SLC9A9: variants seen among roughly 807,000 people sequenced by gnomAD.
SLC9A9 encodes the protein sodium/hydrogen exchanger 9.
A neutral mutation model predicts 77.8 loss-of-function variants in SLC9A9; 62 were observed. That is an observed-to-expected ratio of 0.80 (90% confidence interval 0.65 to 0.98). The LOEUF is 0.98. SLC9A9 is among the 50% of genes least tolerant of loss of function. The pLI, the probability that SLC9A9 is intolerant of heterozygous loss-of-function variation, is 0.00. For missense variants in SLC9A9, 775 were observed against 774.9 expected, an observed-to-expected ratio of 1.00 and a Z score of 0.00; for synonymous variants, 320 against 283.5, an observed-to-expected ratio of 1.13 and a Z score of -1.29.
chr3:143,437,579 G>A (rs935292646), intron 12 of SLC9A9, among the ~76,000 whole-genome samples: 2 of 152,260 alleles, frequency 1.3e-5, no homozygotes, highest in Admixed American at 6.5e-5. Context: ...GAACGTTAGA[G>A]GCCCGAGGCC....
At chr3:143,282,306 A>T (rs1312910898) in intron 14 of SLC9A9, among the ~76,000 whole-genome samples, 4 of 152,212 alleles carry the variant, frequency 2.6e-5, no homozygotes, top group Non-Finnish European at 4.4e-5. Flanking sequence ...ACTAAGGTTG[A>T]CCTGGAAGGC....
intron 4 of SLC9A9, among the ~76,000 whole-genome samples, chr3:143,774,775 C>T (rs185343116): frequency 6.6e-6 from 1 of 152,246 alleles, no homozygotes; most frequent in East Asian, 1.9e-4. Flanking sequence ...TGGAACCTTT[C>T]AAATTGACCT....
At chr3:143,767,161 CAG>C (rs2007345342) in intron 4 of SLC9A9, among the ~76,000 whole-genome samples, 1 of 152,058 alleles carries the variant, frequency 6.6e-6, no homozygotes, top group Non-Finnish European at 1.5e-5. Context: ...CTGCAGAGGA[CAG>C]AGTGAAACAA....
chr3:143,426,232 AC>A (rs1220392584), intron 12 of SLC9A9, among the ~76,000 whole-genome samples: 1 of 152,112 alleles, frequency 6.6e-6, no homozygotes, highest in Non-Finnish European at 1.5e-5. Context: ...CAATTAAAAA[AC>A]CCATGTTATA....
chr3:143,841,994 A>G (rs1176385300), intron 1 of SLC9A9, among the ~76,000 whole-genome samples: 1 of 152,132 alleles, frequency 6.6e-6, no homozygotes, highest in Non-Finnish European at 1.5e-5. Flanking sequence ...ACCTCAGGTG[A>G]TCCACTTGCC....
intron 5 of SLC9A9, among the ~76,000 whole-genome samples, chr3:143,654,791 G>A (rs934304732): frequency 1.3e-5 from 2 of 152,280 alleles, no homozygotes; most frequent in Non-Finnish European, 2.9e-5. Flanking sequence ...GAAAAGGAAG[G>A]TAAGGCCCTT....
intron 14 of SLC9A9, among the ~76,000 whole-genome samples, chr3:143,288,349 C>T (rs75633820): frequency 0.02 from 3,059 of 151,992 alleles, 50 homozygotes; most frequent in South Asian, 0.063. Flanking sequence ...AGTATAAATA[C>T]GCAGCTCAGG....
chr3:143,433,881 A>G (rs1256777867), intron 12 of SLC9A9, among the ~76,000 whole-genome samples: 1 of 152,196 alleles, frequency 6.6e-6, no homozygotes, highest in Non-Finnish European at 1.5e-5. Flanking sequence ...TGAAGTATAG[A>G]TAACCTATAT....
At chr3:143,773,802 T>C (rs1393038627) in intron 4 of SLC9A9, among the ~76,000 whole-genome samples, 1 of 152,146 alleles carries the variant, frequency 6.6e-6, no homozygotes, top group Non-Finnish European at 1.5e-5. Context: ...TAACAATGGT[T>C]GTGTTTGATG....
chr3:143,268,927 G>C lies in SLC9A9; in HGVS notation c.1658C>G (p.Pro553Arg). ...CCTGGAAATCGGACCACACCATTCA[G>C]GTAATGTTGTAGTCAGCGGAGGACC... is the stretch of plus-strand genomic sequence containing the variant. ...HSGPPLTTTLPEWCGPISRLL... is the reference protein window; with the variant it reads ...HSGPPLTTTLREWCGPISRLL... The change falls in exon 15 of 16, where the codon CCT becomes CGT. Residue 553 changes from proline (P) to arginine (R), a missense_variant. Transcript: ENST00000316549. The C allele has an allele frequency of 6.2e-7, 1 of 1,613,656 alleles. No individual in the cohort carries two copies. Among genetic ancestry groups the C allele is most frequent in the Non-Finnish European group, 8.5e-7 (1 of 1,179,802 alleles).
At chr3:143,335,474 AAAG>A (rs1358310039) in intron 14 of SLC9A9, among the ~76,000 whole-genome samples, 1 of 152,196 alleles carries the variant, frequency 6.6e-6, no homozygotes, top group Non-Finnish European at 1.5e-5. Context: ...CATTCTTGAA[AAAG>A]AAGAACAAAG....
rs58949966 is a variant in SLC9A9, at chr3:143,793,903, T to G, written c.533+1098A>C. On this transcript the variant is annotated intron_variant, in intron 4 of 15. Coordinates refer to ENST00000316549, the MANE Select transcript of SLC9A9 (RefSeq NM_173653.4). ...TGTGTCTCTCAGGTCACCCACAGTTTAAAGACCATTTAAGTGTCCAAACTT... is the reference window on the plus strand; with the variant it reads ...TGTGTCTCTCAGGTCACCCACAGTTGAAAGACCATTTAAGTGTCCAAACTT... 0.01 allele frequency among the ~76,000 whole-genome samples: 1,599 copies of G among 152,288 alleles called. 75 individuals are homozygous for G. In the East Asian group the frequency reaches 0.16, roughly 15 times the overall value.
At chr3:143,667,591 G>C (rs1026696373) in intron 5 of SLC9A9, among the ~76,000 whole-genome samples, 2 of 152,116 alleles carry the variant, frequency 1.3e-5, no homozygotes, top group African/African-American at 4.8e-5. Context: ...ATCTGACAAA[G>C]GGCTAATATC....
At chr3:143,371,961 T>C in intron 13 of SLC9A9, 1 of 412,954 alleles carries the variant, frequency 2.4e-6, no homozygotes, top group Non-Finnish European at 4.8e-6. Context: ...CTCAATCCCT[T>C]TTACAACAGC....
chr3:143,306,800 C>G (rs1330687069), intron 14 of SLC9A9, among the ~76,000 whole-genome samples: 1 of 152,200 alleles, frequency 6.6e-6, no homozygotes, highest in Non-Finnish European at 1.5e-5. Context: ...AAATGCAACT[C>G]TAGAATATGG....
At chr3:143,696,965 A>G (rs548784783) in intron 4 of SLC9A9, among the ~76,000 whole-genome samples, 3 of 152,040 alleles carry the variant, frequency 2.0e-5, no homozygotes, top group Non-Finnish European at 2.9e-5. Flanking sequence ...TTTCCTATAA[A>G]TTTATACCAA....
chr3:143,478,070 T>G (rs838634), intron 11 of SLC9A9, among the ~76,000 whole-genome samples: 34,330 of 152,158 alleles, frequency 0.23, 5,054 homozygotes, highest in Non-Finnish European at 0.33. Context: ...CAAGCCACCC[T>G]AATCTAAAGT....
At chr3:143,790,033 C>T (rs749245493) in intron 4 of SLC9A9, among the ~76,000 whole-genome samples, 3 of 151,936 alleles carry the variant, frequency 2.0e-5, no homozygotes, top group African/African-American at 2.4e-5. Flanking sequence ...AGGGGAGGGA[C>T]CTTGTGGGAG....
At chr3:143,388,808 G>C (rs1484265803) in intron 12 of SLC9A9, among the ~76,000 whole-genome samples, 2 of 152,238 alleles carry the variant, frequency 1.3e-5, no homozygotes, top group Non-Finnish European at 2.9e-5. Context: ...AAGAACCACA[G>C]TATGGTGTGA....
Sources: allele counts gnomAD v4.1 joint callset (sites outside exome capture counted in the v4.1 genomes callset), GRCh38; gene constraint gnomAD v4.1.1; transcripts MANE v1.5; gene names NCBI Gene and HGNC (gene_info 2026-07-23, HGNC 2026-07-21).